The following FRMPD1 variants were observed in gnomAD, a reference collection of about 807,000 sequenced individuals.
FRMPD1 encodes the protein FERM and PDZ domain-containing protein 1.
Under a neutral mutation model 117.8 loss-of-function variants are expected in FRMPD1, and 76 were observed. The ratio of observed to expected loss-of-function variants is 0.65; its 90% CI spans 0.54 to 0.78. The LOEUF (loss-of-function observed/expected upper bound fraction) is 0.78, where lower values mean the gene tolerates loss of function less well. FRMPD1 is among the 30% of genes least tolerant of loss of function. The pLI is 0.00. For synonymous variants in FRMPD1, 783 were observed against 770.4 expected (o/e 1.02, Z -0.27); for missense variants, 1,786 against 1,964.5 (o/e 0.91, Z 1.72).
chr9:37,713,896 T>C (rs1823005726), intron 5 of FRMPD1, among the ~76,000 whole-genome samples: 1 of 152,204 alleles, frequency 6.6e-6, no homozygotes, highest in South Asian at 2.1e-4. Context: ...GGAAGCACAG[T>C]GGAACAAAGG....
At chr9:37,700,147 T>C (rs1455341733) in intron 2 of FRMPD1, among the ~76,000 whole-genome samples, 1 of 152,176 alleles carries the variant, frequency 6.6e-6, no homozygotes, top group Non-Finnish European at 1.5e-5. Context: ...TAGGCAAAAG[T>C]AGAGAGATTT....
chr9:37,696,509 T>G (rs1038322798), intron 2 of FRMPD1, among the ~76,000 whole-genome samples: 3 of 152,232 alleles, frequency 2.0e-5, no homozygotes, highest in Non-Finnish European at 4.4e-5. Context: ...GACTGTATTA[T>G]TCATTGAAAT....
chr9:37,693,849 C>A (rs1392016777), intron 2 of FRMPD1, among the ~76,000 whole-genome samples: 1 of 152,178 alleles, frequency 6.6e-6, no homozygotes, highest in Non-Finnish European at 1.5e-5. Context: ...GTGGCCAGAA[C>A]CCCCCGCAGC....
chr9:37,627,959 T>C, the FRMPD1 span, among the ~76,000 whole-genome samples: 1 of 152,126 alleles, frequency 6.6e-6, no homozygotes, highest in Non-Finnish European at 1.5e-5. Flanking sequence ...TCCTAAACAA[T>C]GCAAAGGACA....
intron 14 of FRMPD1, among the ~76,000 whole-genome samples, chr9:37,738,995 T>C (rs941350144): frequency 5.9e-5 from 9 of 151,634 alleles, no homozygotes; most frequent in African/African-American, 1.2e-4. Context: ...CTGGACCATA[T>C]TGCAAGAGGG....
chr9:37,742,590 G>C lies in FRMPD1; in HGVS notation c.2356+1706G>C, dbSNP rs1174116840. 5.3e-5 allele frequency among the ~76,000 whole-genome samples: 8 copies of C among 152,278 alleles called. No individual in the cohort carries two copies. The East Asian group carries it at 1.3e-3, about 26-fold the overall frequency. On this transcript the variant is annotated intron_variant, in intron 15 of 15. Transcript: ENST00000377765. ...GTGACTGGGCATCAGAATCACCTGA[G>C]GGACCTTGTTTAAAAACTATAGATT...
intron 7 of FRMPD1, among the ~76,000 whole-genome samples, chr9:37,724,951 T>C (rs1823557792): frequency 6.6e-6 from 1 of 152,052 alleles, no homozygotes; most frequent in Non-Finnish European, 1.5e-5. Context: ...AGACAAGGCA[T>C]GGGAAAGAAG....
At chr9:37,719,204 T>C in intron 6 of FRMPD1, 28 bp downstream of exon 6, 1 of 1,409,842 alleles carries the variant, frequency 7.1e-7, no homozygotes, top group Non-Finnish European at 1.0e-6. Context: ...GGATTGAAAT[T>C]ATGAAGCTGG....
chr9:37,661,663 T>A (rs7032902), intron 1 of FRMPD1: 1 of 152,086 alleles, frequency 6.6e-6, no homozygotes, highest in Non-Finnish European at 1.5e-5. Context: ...CCACCACCTC[T>A]CTGTGTGAAT....
At chr9:37,652,098 G>C (rs1247877224) in intron 1 of FRMPD1, among the ~76,000 whole-genome samples, 1 of 152,216 alleles carries the variant, frequency 6.6e-6, no homozygotes, top group Admixed American at 6.5e-5. Context: ...GTGGCTTATA[G>C]ATCAGGAAGC....
the FRMPD1 span, among the ~76,000 whole-genome samples, chr9:37,608,940 C>T: frequency 6.6e-6 from 1 of 152,160 alleles, no homozygotes; most frequent in South Asian, 2.1e-4. Context: ...CAACCGTGCT[C>T]CTGAATTCCT....
the FRMPD1 span, among the ~76,000 whole-genome samples, chr9:37,614,941 A>T: frequency 6.6e-6 from 1 of 152,180 alleles, no homozygotes; most frequent in East Asian, 1.9e-4. Context: ...TGGAATTAAA[A>T]CAAGGGGAAG....
At chr9:37,664,511 C>T (rs1357034950) in intron 1 of FRMPD1, among the ~76,000 whole-genome samples, 1 of 152,028 alleles carries the variant, frequency 6.6e-6, no homozygotes, top group East Asian at 1.9e-4. Context: ...TGTTGTTCCC[C>T]TCCCCGTGTC....
intron 14 of FRMPD1, 140 bp from the exon 15 acceptor site, chr9:37,739,938 A>T: frequency 1.6e-6 from 1 of 624,660 alleles, no homozygotes; most frequent in Non-Finnish European, 2.8e-6. Flanking sequence ...CGTGTTCGTC[A>T]GTATAGGACG....
chr9:37,673,459 T>G (rs1056324128), intron 1 of FRMPD1, among the ~76,000 whole-genome samples: 4 of 152,208 alleles, frequency 2.6e-5, no homozygotes, highest in African/African-American at 4.8e-5. Flanking sequence ...CTGCGGCTTT[T>G]CTAGGCTCCT....
intron 1 of FRMPD1, among the ~76,000 whole-genome samples, chr9:37,675,896 G>A (rs1468349296): frequency 6.6e-6 from 1 of 152,228 alleles, no homozygotes; most frequent in Non-Finnish European, 1.5e-5. Context: ...CACCTGTCCT[G>A]TTGCCACTCC....
chr9:37,693,688 A>G (rs1224093218), intron 2 of FRMPD1, among the ~76,000 whole-genome samples: 1 of 152,192 alleles, frequency 6.6e-6, no homozygotes, highest in Admixed American at 6.5e-5. Flanking sequence ...TCAAGCTGCA[A>G]TCCTTTCCAG....
intron 1 of FRMPD1, among the ~76,000 whole-genome samples, chr9:37,663,903 A>G (rs1232133034): frequency 6.6e-6 from 1 of 152,214 alleles, no homozygotes; most frequent in Admixed American, 6.5e-5. Flanking sequence ...TAATGACAAG[A>G]AAAAGTCTGT....
At chr9:37,678,418 G>A (rs942134520) in intron 1 of FRMPD1, among the ~76,000 whole-genome samples, 1 of 151,702 alleles carries the variant, frequency 6.6e-6, no homozygotes, top group Non-Finnish European at 1.5e-5. Flanking sequence ...GTGCCATCAC[G>A]TCTGGCTAAT....
Sources: allele counts gnomAD v4.1 joint callset (sites outside exome capture counted in the v4.1 genomes callset), GRCh38; gene constraint gnomAD v4.1.1; transcripts MANE v1.5; gene names NCBI Gene and HGNC (gene_info 2026-07-23, HGNC 2026-07-21).